Variants in RRAGB observed in about 807,000 individuals in gnomAD.
The protein encoded by RRAGB is Ras related GTP binding B.
In RRAGB, 6 loss-of-function variants were observed where a neutral mutation model predicts 29.3. The observed-to-expected ratio is 0.21, with a 90% CI of 0.11 to 0.40. RRAGB has a LOEUF of 0.40. RRAGB is among the 10% of genes least tolerant of loss of function. The pLI, the probability that RRAGB is intolerant of heterozygous loss-of-function variation, is 1.00. For synonymous variants in RRAGB, 101 were observed against 92.5 expected, an observed-to-expected ratio of 1.09 and a Z score of -0.53; for missense variants, 184 against 272.9, an observed-to-expected ratio of 0.67 and a Z score of 2.29.
At chrX:55,727,906 G>A (rs984051808) in intron 3 of RRAGB, among the ~76,000 whole-genome samples, 23 of 111,467 alleles carry the variant, frequency 2.1e-4, no homozygotes, top group African/African-American at 7.5e-4. Context: ...CTTAATGAGT[G>A]TTTGAATGAA....
chrX:55,727,480 A>G (rs2033521010), intron 3 of RRAGB: 3 of 474,313 alleles, frequency 6.3e-6, no homozygotes, highest in Non-Finnish European at 1.1e-5. Context: ...CACTTTATGT[A>G]TGATAATTCA....
At chrX:55,750,048 TAAAA>T (rs774847577) in intron 5 of RRAGB, among the ~76,000 whole-genome samples, 1 of 16,764 alleles carries the variant, frequency 6.0e-5, no homozygotes, top group Non-Finnish European at 1.0e-4. Context: ...AATGATCAAT[TAAAA>T]AAAAAAAAAA....
intron 5 of RRAGB, among the ~76,000 whole-genome samples, chrX:55,744,786 A>G (rs945058146): frequency 3.6e-5 from 4 of 112,389 alleles, no homozygotes; most frequent in African/African-American, 1.3e-4. Context: ...TGACACTTCA[A>G]GCACCATTGG....
chrX:55,740,344 ATTTTG>A, intron 5 of RRAGB, among the ~76,000 whole-genome samples: 1 of 110,944 alleles, frequency 9.0e-6, no homozygotes, highest in African/African-American at 3.3e-5. Context: ...AATCATTGTG[ATTTTG>A]AACCATGAAT....
At position 55,758,498 on chromosome X, in the gene RRAGB, A is replaced by C; in HGVS notation, c.*155A>C. The C allele has an allele frequency of 2.7e-6, 1 of 365,159 alleles. No individual in the cohort carries two copies. Among genetic ancestry groups the C allele is most frequent in the Admixed American group, 4.8e-5 (1 of 20,716 alleles). The allele number at this position is 365,159 out of a possible 1,213,427, so 30.1% of individuals were successfully genotyped here. A position where few individuals can be genotyped will look rare whatever the true frequency, so the allele number is the denominator to read the frequency against. On this transcript the variant is annotated 3_prime_UTR_variant, in exon 10 of 10. Transcript: ENST00000374941. ...TTTAACCTTGAATGCTATTAACTTAAATAGCCATTGAGGAGTTAGAAGATG... is the reference window on the plus strand; with the variant it reads ...TTTAACCTTGAATGCTATTAACTTACATAGCCATTGAGGAGTTAGAAGATG...
intron 1 of RRAGB, 55 bp downstream of exon 1, chrX:55,718,474 G>A (rs746442846): frequency 1.2e-6 from 1 of 803,313 alleles, no homozygotes; most frequent in Non-Finnish European, 1.8e-6. Flanking sequence ...ATTGAAGAGA[G>A]TATTGTGAAT....
chrX:55,733,712 T>C (rs2033763308), intron 5 of RRAGB, among the ~76,000 whole-genome samples: 1 of 112,428 alleles, frequency 8.9e-6, no homozygotes, highest in Non-Finnish European at 1.9e-5. Flanking sequence ...TGCTAATATT[T>C]AGTTGAAGAT....
At position 55,719,365 on chromosome X, in the gene RRAGB, C is replaced by T. The variant is rs778468257; in HGVS notation, c.126+18C>T. The T allele has an allele frequency of 6.1e-6, 7 of 1,142,764 alleles. No individual in the cohort carries two copies. The highest frequency in any genetic ancestry group is 2.1e-5 in the South Asian group (1 of 48,244). The allele number at this position is 1,142,764 out of a possible 1,213,427, so 94.2% of individuals were successfully genotyped here. A position where few individuals can be genotyped will look rare whatever the true frequency, so the allele number is the denominator to read the frequency against. On this transcript the variant is annotated intron_variant, in intron 2 of 9. Coordinates refer to ENST00000374941, the MANE Select transcript of RRAGB (RefSeq NM_006064.5). ...AGAAAAAGGTAAGACGTGTTAGATA[C>T]GTCAAAACCATGAAGGTAAAGGTAA...
At chrX:55,740,389 ATCTTTTGG>A (rs1488812332) in intron 5 of RRAGB, among the ~76,000 whole-genome samples, 7 of 111,591 alleles carry the variant, frequency 6.3e-5, no homozygotes, top group African/African-American at 2.3e-4. Flanking sequence ...GCTCAAACAC[ATCTTTTGG>A]AATGAAAATA....
intron 4 of RRAGB, among the ~76,000 whole-genome samples, chrX:55,730,665 G>T (rs1290540171): frequency 9.0e-6 from 1 of 111,522 alleles, no homozygotes; most frequent in East Asian, 2.8e-4. Flanking sequence ...TAGAATATTT[G>T]ACTATTGAGT....
chrX:55,741,466 C>T (rs2034069776), intron 5 of RRAGB, among the ~76,000 whole-genome samples: 1 of 111,842 alleles, frequency 8.9e-6, no homozygotes. Flanking sequence ...AGCAAAAAAA[C>T]ATAAAGCGAG....
intron 6 of RRAGB, chrX:55,752,251 C>G: frequency 2.7e-6 from 2 of 752,897 alleles, no homozygotes; most frequent in Non-Finnish European, 3.1e-6. Flanking sequence ...AACAGGTAAC[C>G]GTGAATAAGG....
chrX:55,720,770 G>C (rs141069203), intron 2 of RRAGB, among the ~76,000 whole-genome samples: 3 of 110,803 alleles, frequency 2.7e-5, no homozygotes, highest in East Asian at 5.6e-4. Context: ...GGGCTCAGGT[G>C]GGGTGGCTGA....
At chrX:55,748,388 T>G (rs1195069443) in intron 5 of RRAGB, among the ~76,000 whole-genome samples, 6 of 104,934 alleles carry the variant, frequency 5.7e-5, no homozygotes, top group African/African-American at 2.1e-4. Flanking sequence ...GTGAGGAGCG[T>G]CTCTGCCCGG....
Position 55,729,381 on chromosome X carries a change from T to C in RRAGB, c.293+21T>C, listed in dbSNP as rs201368308. On this transcript the variant is annotated intron_variant, in intron 4 of 9. Coordinates refer to ENST00000374941, the MANE Select transcript of RRAGB (RefSeq NM_006064.5). The stretch of plus-strand genomic sequence containing the variant: ...GGTGGGTAAGTACCATCTGCTTACT[T>C]GTTTGTGAAGCCGATGTCAGTAATC... 3.3e-5 allele frequency: 36 copies of C among 1,093,972 alleles called. No homozygotes were observed. The East Asian group carries it at 1.1e-3, about 32-fold the overall frequency. The allele number at this position is 1,093,972 out of a possible 1,213,427, so 90.2% of individuals were successfully genotyped here. A position where few individuals can be genotyped will look rare whatever the true frequency, so the allele number is the denominator to read the frequency against.
At chrX:55,741,280 C>T (rs1440678592) in intron 5 of RRAGB, among the ~76,000 whole-genome samples, 2 of 111,381 alleles carry the variant, frequency 1.8e-5, no homozygotes, top group Non-Finnish European at 3.8e-5. Context: ...CACCACTGCA[C>T]CATACGTTCG....
intron 5 of RRAGB, among the ~76,000 whole-genome samples, chrX:55,737,741 C>T (rs2033915013): frequency 8.9e-6 from 1 of 112,661 alleles, no homozygotes; most frequent in South Asian, 3.7e-4. Context: ...CTGGTCTAGC[C>T]GCCTTGTGGG....
intron 5 of RRAGB, among the ~76,000 whole-genome samples, chrX:55,744,585 G>T (rs1448434495): frequency 1.8e-5 from 2 of 110,260 alleles, no homozygotes; most frequent in East Asian, 2.9e-4. Context: ...AGGTCTCATG[G>T]TTACTTAGTG....
intron 6 of RRAGB, 146 bp downstream of exon 6, chrX:55,751,342 T>C: frequency 5.1e-6 from 2 of 391,206 alleles, no homozygotes; most frequent in Admixed American, 4.9e-5. Context: ...ACAAATTGTT[T>C]GAAGAATATC....
Sources: gnomAD v4.1 joint callset for allele counts (sites outside exome capture counted in the v4.1 genomes callset) on GRCh38, gnomAD v4.1.1 for gene constraint, MANE v1.5 for transcripts, NCBI Gene and HGNC (gene_info 2026-07-23, HGNC 2026-07-21) for gene names.